NCR3LG1: variants seen among roughly 807,000 people sequenced by gnomAD.
NCR3LG1 encodes natural killer cell cytotoxicity receptor 3 ligand 1, also known as natural cytotoxicity triggering receptor 3 ligand 1.
A neutral mutation model predicts 34.8 loss-of-function variants in NCR3LG1; 35 were observed. The ratio of observed to expected loss-of-function variants is 1.01; its 90% CI spans 0.77 to 1.33. NCR3LG1 has a LOEUF of 1.33. Among genes scored for constraint, NCR3LG1 ranks in the 40% most tolerant of loss-of-function variants. The probability of loss-of-function intolerance (pLI) is 0.00; values close to 1 mark genes in which losing one functional copy is unlikely to be tolerated. For missense variants in NCR3LG1, 452 were observed against 423.3 expected (o/e 1.07, Z -0.60); for synonymous variants, 173 against 163.6 (o/e 1.06, Z -0.44).
At chr11:17,360,361 T>C (rs1300061727) in intron 2 of NCR3LG1, among the ~76,000 whole-genome samples, 3 of 152,352 alleles carry the variant, frequency 2.0e-5, no homozygotes, top group East Asian at 3.9e-4. Flanking sequence ...CTCTTAACAA[T>C]GTCTTTTGTA....
In NCR3LG1 at chr11:17,376,527, T is replaced by C. The variant is rs1953479264; in HGVS notation, c.*4015T>C. The C allele has an allele frequency of 6.6e-6, 1 of 152,250 alleles. No homozygotes were observed. The highest frequency in any genetic ancestry group is 2.4e-5 in the African/African-American group (1 of 41,464). The allele number at this position is 152,250 out of a possible 1,614,324, so 9.4% of individuals were successfully genotyped here. A position where few individuals can be genotyped will look rare whatever the true frequency, so the allele number is the denominator to read the frequency against. The stretch of plus-strand genomic sequence containing the variant: ...CAGTTCAGTAACACTAAGGAACCTC[T>C]TGATGACTTGGTATTTACTGTCTTA... On this transcript the variant is annotated 3_prime_UTR_variant, in exon 5 of 5. Coordinates refer to ENST00000338965, the MANE Select transcript of NCR3LG1 (RefSeq NM_001202439.3).
chr11:17,380,235 T>G (rs1277528225), downstream of NCR3LG1, among the ~76,000 whole-genome samples: 1 of 152,170 alleles, frequency 6.6e-6, no homozygotes, highest in Non-Finnish European at 1.5e-5. Context: ...GTGTGGAGTT[T>G]GCATGTTCTG....
chr11:17,351,895 T>C lies in NCR3LG1; in HGVS notation c.-75T>C. On this transcript the variant is annotated 5_prime_UTR_variant, in exon 1 of 5. Coordinates refer to ENST00000338965, the MANE Select transcript of NCR3LG1 (RefSeq NM_001202439.3). The stretch of plus-strand genomic sequence containing the variant: ...GTCAACTCTTTACGCAACAGAGGTC[T>C]CCCCCTGCCCTTGGTTTCTACCGGG... 8.5e-7 allele frequency: 1 copy of C among 1,171,746 alleles called. No individual in the cohort carries two copies. The highest frequency in any genetic ancestry group is 1.2e-6 in the Non-Finnish European group (1 of 819,030). 72.6% of individuals were successfully genotyped at this position (1,171,746 alleles called of 1,614,324 possible).
Position 17,367,433 on chromosome 11 carries a change from C to G in NCR3LG1, c.760+86C>G, listed in dbSNP as rs567258059. On this transcript the variant is annotated intron_variant, in intron 3 of 4. Coordinates refer to ENST00000338965, the MANE Select transcript of NCR3LG1 (RefSeq NM_001202439.3). ...TATTCCCACACAGCCTGGGTCTTAGCTGGGGACTGAAGGGGAAACAGAGAA... is the reference window on the plus strand; with the variant it reads ...TATTCCCACACAGCCTGGGTCTTAGGTGGGGACTGAAGGGGAAACAGAGAA... 3.4e-5 allele frequency: 38 copies of G among 1,129,318 alleles called. No individual in the cohort carries two copies. The South Asian group carries it at 5.8e-4, about 17-fold the overall frequency. 70.0% of individuals were successfully genotyped at this position (1,129,318 alleles called of 1,614,324 possible).
At position 17,376,537 on chromosome 11, in the gene NCR3LG1, GGTATTTACTGTCTTA is replaced by G. The variant is rs1181991746; in HGVS notation, c.*4027_*4041del. ...ACACTAAGGAACCTCTTGATGACTT[GGTATTTACTGTCTTA>G]GCATTCCCTTTGTTAGCTTTACCTT... On this transcript the variant is annotated 3_prime_UTR_variant, in exon 5 of 5. Coordinates refer to ENST00000338965, the MANE Select transcript of NCR3LG1 (RefSeq NM_001202439.3). 6.6e-6 allele frequency: 1 copy of G among 152,150 alleles called. No homozygotes were observed. Among genetic ancestry groups the G allele is most frequent in the Admixed American group, 6.5e-5 (1 of 15,278 alleles). The allele number at this position is 152,150 out of a possible 1,614,324, so 9.4% of individuals were successfully genotyped here.
chr11:17,368,520 T>C (rs1056258172), intron 3 of NCR3LG1, among the ~76,000 whole-genome samples: 3 of 151,916 alleles, frequency 2.0e-5, no homozygotes, highest in South Asian at 4.1e-4. Flanking sequence ...ATGGGGAGTA[T>C]GAAATGGAAA....
chr11:17,352,663 G>A (rs1348711207), intron 1 of NCR3LG1, among the ~76,000 whole-genome samples: 1 of 152,172 alleles, frequency 6.6e-6, no homozygotes, highest in Non-Finnish European at 1.5e-5. Context: ...GGCCGGAGGA[G>A]AGAAGAAAAT....
At chr11:17,352,545 A>G (rs1481571114) in intron 1 of NCR3LG1, among the ~76,000 whole-genome samples, 1 of 152,156 alleles carries the variant, frequency 6.6e-6, no homozygotes. Context: ...TTTACATTGA[A>G]GGCCTGCCCT....
chr11:17,363,487 TTCTG>T lies in NCR3LG1; in HGVS notation c.422-3518_422-3515del, dbSNP rs535427585. On this transcript the variant is annotated intron_variant, in intron 2 of 4. Transcript: ENST00000338965. Reference sequence around the variant, plus strand: ...GTGTGTTTTTTTTCCTGTGACTTTTTTCTGTCTTTCTTTTCCCTCCCTCCCTCCC... The same window carrying T: ...GTGTGTTTTTTTTCCTGTGACTTTTTTCTTTCTTTTCCCTCCCTCCCTCCC... 6.8e-3 allele frequency among the ~76,000 whole-genome samples: 1,020 copies of T among 149,832 alleles called. 14 individuals carry two copies. The highest frequency in any genetic ancestry group is 0.034 in the Middle Eastern group (10 of 290).
intron 1 of NCR3LG1, 65 bp from the exon 2 acceptor site, chr11:17,356,586 T>C (rs1430882249): frequency 2.5e-6 from 3 of 1,195,646 alleles, no homozygotes; most frequent in Admixed American, 2.2e-5. Flanking sequence ...ATTCAGTCCA[T>C]AGCACATCTC....
chr11:17,379,986 C>T (rs974098124), downstream of NCR3LG1, among the ~76,000 whole-genome samples: 8 of 152,098 alleles, frequency 5.3e-5, no homozygotes, highest in Non-Finnish European at 1.2e-4. Flanking sequence ...CAGCTGGTGC[C>T]ATGCTCTCCC....
intron 2 of NCR3LG1, among the ~76,000 whole-genome samples, chr11:17,360,689 C>T (rs1953260826): frequency 6.6e-6 from 1 of 151,098 alleles, no homozygotes; most frequent in Non-Finnish European, 1.5e-5. Context: ...GCCTTTGCTT[C>T]TTTGTCAAAG....
intron 2 of NCR3LG1, among the ~76,000 whole-genome samples, chr11:17,366,441 C>T (rs1053766207): frequency 1.3e-5 from 2 of 152,256 alleles, no homozygotes; most frequent in East Asian, 1.9e-4. Flanking sequence ...CATGACCAAA[C>T]ATACCTGCAG....
chr11:17,362,369 A>G (rs540298852), intron 2 of NCR3LG1, among the ~76,000 whole-genome samples: 1 of 152,222 alleles, frequency 6.6e-6, no homozygotes, highest in South Asian at 2.1e-4. Context: ...TATATTTGCT[A>G]ATATTTTCTT....
At position 17,377,238 on chromosome 11, in the gene NCR3LG1, G is replaced by A. The variant is rs1458727467; in HGVS notation, c.*4726G>A. 1 of 151,642 alleles carries A rather than the reference G, an allele frequency of 6.6e-6. No individual in the cohort carries two copies. The highest frequency in any genetic ancestry group is 1.9e-4 in the East Asian group (1 of 5,168). The allele number at this position is 151,642 out of a possible 1,614,324, so 9.4% of individuals were successfully genotyped here. On this transcript the variant is annotated 3_prime_UTR_variant, in exon 5 of 5. Transcript: ENST00000338965. ...TTACGACTGTAATCCCAGCACTTTGGGAGGCTGAGGCAGGTAGATGATGAG... is the reference window on the plus strand; with the variant it reads ...TTACGACTGTAATCCCAGCACTTTGAGAGGCTGAGGCAGGTAGATGATGAG...
At chr11:17,366,663 C>T (rs534353085) in intron 2 of NCR3LG1, among the ~76,000 whole-genome samples, 306 of 152,318 alleles carry the variant, frequency 2.0e-3, no homozygotes, top group Middle Eastern at 3.4e-3. Context: ...TGTCAGTACC[C>T]GGTTGGCACT....
rs1953463520 is a variant in NCR3LG1, at chr11:17,375,327, T to C, written c.*2815T>C. The stretch of plus-strand genomic sequence containing the variant: ...CCGCTAGGGAGGATCTCAAAGAAAT[T>C]CCCCTAGAAAATCCAGACTGGACCC... On this transcript the variant is annotated 3_prime_UTR_variant, in exon 5 of 5. Transcript: ENST00000338965. The C allele has an allele frequency of 6.6e-6, 1 of 152,076 alleles. No homozygotes were observed. The highest frequency in any genetic ancestry group is 2.4e-5 in the African/African-American group (1 of 41,388). The allele number at this position is 152,076 out of a possible 1,614,324, so 9.4% of individuals were successfully genotyped here. A position where few individuals can be genotyped will look rare whatever the true frequency, so the allele number is the denominator to read the frequency against.
At chr11:17,368,837 C>T (rs939757682) in intron 3 of NCR3LG1, 30 bp from the exon 4 acceptor site, 1 of 1,433,940 alleles carries the variant, frequency 7.0e-7, no homozygotes, top group Non-Finnish European at 9.5e-7. Context: ...CAGTAGGTTT[C>T]CTGCTAATGT....
chr11:17,364,007 C>A (rs1367025209), intron 2 of NCR3LG1, among the ~76,000 whole-genome samples: 1 of 152,042 alleles, frequency 6.6e-6, no homozygotes, highest in Non-Finnish European at 1.5e-5. Flanking sequence ...AGTTTGGTGT[C>A]TATCATTAAT....
Sources: gnomAD v4.1 joint callset for allele counts (sites outside exome capture counted in the v4.1 genomes callset) on GRCh38, gnomAD v4.1.1 for gene constraint, MANE v1.5 for transcripts, NCBI Gene and HGNC (gene_info 2026-07-23, HGNC 2026-07-21) for gene names.